The following RARB variants were observed in gnomAD, a reference collection of about 807,000 sequenced individuals.
RARB encodes the protein retinoic acid receptor beta, also known as HBV-activated protein.
RARB carries 17 observed loss-of-function variants against 51.9 expected under a neutral mutation model. That is an observed-to-expected ratio of 0.33 (90% CI 0.22 to 0.49). RARB has a LOEUF of 0.49. RARB is among the 20% of genes least tolerant of loss of function. The pLI is 0.99. For synonymous variants in RARB, 215 were observed against 195.4 expected (o/e 1.10, Z -0.84); for missense variants, 369 against 550.8 (o/e 0.67, Z 3.30).
At chr3:25,431,579 G>A (rs114753149) in intron 1 of RARB, among the ~76,000 whole-genome samples, 5,204 of 151,960 alleles carry the variant, frequency 0.034, 91 homozygotes, top group Middle Eastern at 0.088. Context: ...GGTTTTAGGC[G>A]GCTCCAGATG....
chr3:24,956,328 A>C (rs989561502), intron 2 of RARB, among the ~76,000 whole-genome samples: 1 of 152,216 alleles, frequency 6.6e-6, no homozygotes, highest in African/African-American at 2.4e-5. Flanking sequence ...TTCATCATGA[A>C]TGAGAATGTT....
At chr3:25,522,852 C>G (rs1170898632) in intron 3 of RARB, among the ~76,000 whole-genome samples, 1 of 152,134 alleles carries the variant, frequency 6.6e-6, no homozygotes, top group Non-Finnish European at 1.5e-5. Context: ...GCTTAAGGTT[C>G]TGTCCGCAGA....
chr3:25,168,891 T>C (rs1700599691), intron 4 of RARB, among the ~76,000 whole-genome samples: 1 of 152,082 alleles, frequency 6.6e-6, no homozygotes, highest in Non-Finnish European at 1.5e-5. Context: ...ATTTACTAAG[T>C]GCATAACACA....
chr3:24,868,566 T>G (rs1352589750), intron 2 of RARB, among the ~76,000 whole-genome samples: 1 of 152,126 alleles, frequency 6.6e-6, no homozygotes, highest in Non-Finnish European at 1.5e-5. Context: ...AAAATATAGT[T>G]CAGGCCATGA....
chr3:24,934,519 A>G (rs183870611), intron 2 of RARB, among the ~76,000 whole-genome samples: 2 of 152,290 alleles, frequency 1.3e-5, no homozygotes, highest in Admixed American at 1.3e-4. Flanking sequence ...TCTATAAATT[A>G]TATAAGAATA....
chr3:25,246,101 T>G (rs1210861877), intron 5 of RARB, among the ~76,000 whole-genome samples: 1 of 152,012 alleles, frequency 6.6e-6, no homozygotes, highest in Non-Finnish European at 1.5e-5. Context: ...GTCTTATGCT[T>G]GATCGATTTG....
chr3:25,371,175 G>A (rs562357391), intron 5 of RARB, among the ~76,000 whole-genome samples: 31 of 152,282 alleles, frequency 2.0e-4, no homozygotes, highest in Middle Eastern at 3.4e-3. Context: ...GTTGAGAAGC[G>A]GGACTTTGAA....
At chr3:25,160,315 T>C (rs996800879) in intron 4 of RARB, among the ~76,000 whole-genome samples, 2 of 152,212 alleles carry the variant, frequency 1.3e-5, no homozygotes, top group Non-Finnish European at 2.9e-5. Context: ...TAGGAAATGT[T>C]GCACTTTCCC....
At chr3:25,440,775 C>A (rs536846775) in intron 1 of RARB, among the ~76,000 whole-genome samples, 62 of 151,238 alleles carry the variant, frequency 4.1e-4, no homozygotes, top group South Asian at 1.9e-3. Flanking sequence ...ACCGTCCCCC[C>A]CAAAAATAAA....
chr3:25,575,570 A>G (rs1210560242), intron 4 of RARB, among the ~76,000 whole-genome samples: 2 of 152,128 alleles, frequency 1.3e-5, no homozygotes, highest in Non-Finnish European at 2.9e-5. Flanking sequence ...CGTGGAAGGC[A>G]GTGCTTGTAG....
intron 5 of RARB, among the ~76,000 whole-genome samples, chr3:25,403,519 G>A (rs1486905723): frequency 6.6e-6 from 1 of 152,216 alleles, no homozygotes. Flanking sequence ...TGAAGCACTA[G>A]TGTTAAATCT....
chr3:25,331,277 A>T (rs1036976577), intron 5 of RARB, among the ~76,000 whole-genome samples: 1 of 152,204 alleles, frequency 6.6e-6, no homozygotes, highest in South Asian at 2.1e-4. Flanking sequence ...AGTTGGAAGG[A>T]AAGCACTCCT....
intron 2 of RARB, among the ~76,000 whole-genome samples, chr3:25,479,144 CTGT>C (rs1364147185): frequency 5.3e-5 from 8 of 151,712 alleles, no homozygotes; most frequent in Admixed American, 5.3e-4. Context: ...TGTTGTCTGT[CTGT>C]CTGTCTTCTT....
At chr3:25,507,950 C>T (rs1336615780) in intron 3 of RARB, among the ~76,000 whole-genome samples, 1 of 152,190 alleles carries the variant, frequency 6.6e-6, no homozygotes, top group East Asian at 1.9e-4. Context: ...CTGCCACCCC[C>T]TCATTCCAGC....
intron 5 of RARB, among the ~76,000 whole-genome samples, chr3:25,586,636 A>C (rs1046548915): frequency 6.6e-6 from 1 of 152,044 alleles, no homozygotes; most frequent in Non-Finnish European, 1.5e-5. Context: ...TCACAGCAGC[A>C]CCCTCCTTCT....
intron 3 of RARB, among the ~76,000 whole-genome samples, chr3:25,569,050 C>CT (rs1700609309): frequency 6.6e-6 from 1 of 152,260 alleles, no homozygotes; most frequent in Non-Finnish European, 1.5e-5. Context: ...CACACACCTG[C>CT]TGTGGGTCCA....
At chr3:25,226,152 A>T (rs1364552083) in intron 5 of RARB, among the ~76,000 whole-genome samples, 1 of 152,170 alleles carries the variant, frequency 6.6e-6, no homozygotes, top group East Asian at 1.9e-4. Context: ...AGTTTTTTTA[A>T]AATGTTGCCT....
intron 2 of RARB, among the ~76,000 whole-genome samples, chr3:25,486,156 T>C (rs1205038901): frequency 6.6e-6 from 1 of 152,172 alleles, no homozygotes; most frequent in African/African-American, 2.4e-5. Flanking sequence ...TGGGCTTTCT[T>C]TAGCTCGTTG....
At chr3:25,055,462 A>G (rs1183928425) in intron 2 of RARB, among the ~76,000 whole-genome samples, 2 of 152,194 alleles carry the variant, frequency 1.3e-5, no homozygotes, top group South Asian at 2.1e-4. Flanking sequence ...GAGATGGTAC[A>G]TATAATTTGC....
Sources: gnomAD v4.1 joint callset for allele counts (sites outside exome capture counted in the v4.1 genomes callset) on GRCh38, gnomAD v4.1.1 for gene constraint, MANE v1.5 for transcripts, NCBI Gene and HGNC (gene_info 2026-07-23, HGNC 2026-07-21) for gene names.